The following DAGLA variants were observed in gnomAD, a reference collection of about 807,000 sequenced individuals.
DAGLA encodes diacylglycerol lipase alpha.
Under a neutral mutation model 102.6 loss-of-function variants are expected in DAGLA, and 22 were observed. The observed-to-expected ratio is 0.21, with a 90% CI of 0.15 to 0.31. The LOEUF is 0.31. Among genes scored for constraint, DAGLA ranks in the 10% least tolerant of loss-of-function variants. The pLI, the probability that DAGLA is intolerant of heterozygous loss-of-function variation, is 1.00. For missense variants in DAGLA, 927 were observed against 1,446.6 expected (o/e 0.64, Z 5.83); for synonymous variants, 578 against 628.9 (o/e 0.92, Z 1.21).
At chr11:61,728,354 G>A (rs962803505) in intron 7 of DAGLA, 67 bp downstream of exon 7, 4 of 1,581,266 alleles carry the variant, frequency 2.5e-6, no homozygotes, top group Admixed American at 1.7e-5. Context: ...CCCCTTCCCT[G>A]TGGCCCCTGC....
In DAGLA at chr11:61,686,096, G is replaced by C. The variant is rs915397327; in HGVS notation, c.-45+5592G>C. 6.6e-5 allele frequency among the ~76,000 whole-genome samples: 10 copies of C among 152,240 alleles called. No individual in the cohort carries two copies. The highest frequency in any genetic ancestry group is 4.2e-4 in the South Asian group (2 of 4,816). On this transcript the variant is annotated intron_variant, in intron 1 of 19. Transcript: ENST00000257215. This position sits in a 1 kb window ranked among gnomAD's most constrained non-coding sequence, Gnocchi z 5.2. ...GAGGGACAAGAGTAGGGGGTGCCCAGGTACAGAGGGCTTGAACCAGGGCAG... is the reference window on the plus strand; with the variant it reads ...GAGGGACAAGAGTAGGGGGTGCCCACGTACAGAGGGCTTGAACCAGGGCAG...
intron 13 of DAGLA, among the ~76,000 whole-genome samples, 177 bp from the exon 14 acceptor site, chr11:61,737,005 C>T (rs929509339): frequency 2.6e-5 from 4 of 152,248 alleles, no homozygotes; most frequent in Admixed American, 6.5e-5. Context: ...AACAGTCTGC[C>T]TAAGCAGTCG....
At chr11:61,732,816 G>C (rs2135595926) in intron 9 of DAGLA, among the ~76,000 whole-genome samples, 1 of 152,276 alleles carries the variant, frequency 6.6e-6, no homozygotes, top group African/African-American at 2.4e-5. Flanking sequence ...TGGCCAGAGG[G>C]AGAAGGGCTG....
intron 6 of DAGLA, among the ~76,000 whole-genome samples, chr11:61,727,407 A>G (rs1311256652): frequency 6.6e-6 from 1 of 152,214 alleles, no homozygotes; most frequent in Non-Finnish European, 1.5e-5. Flanking sequence ...ACCCAGTGAG[A>G]CAGACTTCAT....
chr11:61,730,362 C>T (rs890403498), intron 8 of DAGLA, among the ~76,000 whole-genome samples: 2 of 151,978 alleles, frequency 1.3e-5, no homozygotes, highest in East Asian at 1.9e-4. Flanking sequence ...GGGCCCACCC[C>T]GCCCCCAGGG....
intron 3 of DAGLA, among the ~76,000 whole-genome samples, chr11:61,722,511 A>G (rs545414208): frequency 1.3e-5 from 2 of 152,320 alleles, no homozygotes; most frequent in South Asian, 4.1e-4. Flanking sequence ...TCTTGAACCC[A>G]GGAGGCAGAG....
chr11:61,734,393 C>T lies in DAGLA; in HGVS notation c.975-456C>T, dbSNP rs578243396. Among the ~76,000 whole-genome samples, 5 of 151,948 alleles carry T rather than the reference C, an allele frequency of 3.3e-5. No homozygotes were observed. The highest frequency in any genetic ancestry group is 1.9e-4 in the East Asian group (1 of 5,148). On this transcript the variant is annotated intron_variant, in intron 9 of 19. Transcript: ENST00000257215. The surrounding 1 kb of genome is among the most constrained non-coding windows in gnomAD (Gnocchi z 4.2). ...GAGAGCTGGCAGGGTGTCAGGTGTC[C>T]GAGAGAGGTGCTGGCTAGGCCATTG...
intron 9 of DAGLA, among the ~76,000 whole-genome samples, chr11:61,732,160 C>A (rs954598816): frequency 6.6e-6 from 1 of 152,160 alleles, no homozygotes; most frequent in African/African-American, 2.4e-5. Flanking sequence ...TCATGCCAGG[C>A]AGAAGGAGGA....
chr11:61,689,118 C>T (rs2065006288), intron 1 of DAGLA, among the ~76,000 whole-genome samples: 1 of 152,264 alleles, frequency 6.6e-6, no homozygotes, highest in South Asian at 2.1e-4. Flanking sequence ...ACATCAGGCT[C>T]CCCTGGCACG....
chr11:61,711,933 T>C (rs979809063), intron 1 of DAGLA, among the ~76,000 whole-genome samples: 1 of 152,246 alleles, frequency 6.6e-6, no homozygotes, highest in African/African-American at 2.4e-5. Context: ...TTAAAAGGAT[T>C]ACATTAAAGG....
Position 61,744,340 on chromosome 11 carries a change from C to T in DAGLA, c.2980C>T (p.Leu994Phe), listed in dbSNP as rs1186585132. The T allele has an allele frequency of 1.2e-6, 2 of 1,612,706 alleles. No individual in the cohort carries two copies. Among genetic ancestry groups the T allele is most frequent in the South Asian group, 2.2e-5 (2 of 91,068 alleles). Reference protein sequence around the residue: ...SGISLSPSFPLSSSGELMDLT... With the variant: ...SGISLSPSFPFSSSGELMDLT... ...CATCTCACTCTCGCCCTCCTTCCCGCTCAGCTCCTCGGGTGAGCTCATGGA... is the reference window on the plus strand; with the variant it reads ...CATCTCACTCTCGCCCTCCTTCCCGTTCAGCTCCTCGGGTGAGCTCATGGA... The change falls in exon 20 of 20, where the codon CTC becomes TTC. Residue 994 changes from leucine (L) to phenylalanine (F), a missense_variant. By Grantham distance (22) the Leu-to-Phe change is conservative. Coordinates refer to ENST00000257215, the MANE Select transcript of DAGLA (RefSeq NM_006133.3).
At chr11:61,736,858 T>C (rs2065427155) in intron 13 of DAGLA, among the ~76,000 whole-genome samples, 1 of 152,276 alleles carries the variant, frequency 6.6e-6, no homozygotes, top group Non-Finnish European at 1.5e-5. Context: ...AACCACATGT[T>C]TATAGTGATA....
intron 16 of DAGLA, 70 bp from the exon 17 acceptor site, chr11:61,739,395 C>G: frequency 1.2e-3 from 1,171 of 968,820 alleles, no homozygotes; most frequent in Non-Finnish European, 1.5e-3. Context: ...CCTTCTCGGT[C>G]CCCCTGCCCC....
At chr11:61,685,555 G>A (rs2135546378) in intron 1 of DAGLA, among the ~76,000 whole-genome samples, 1 of 152,274 alleles carries the variant, frequency 6.6e-6, no homozygotes, top group East Asian at 1.9e-4. Context: ...TGTGAGTTGG[G>A]GGTTAGTGAG....
intron 1 of DAGLA, among the ~76,000 whole-genome samples, chr11:61,713,762 G>A (rs3018177): frequency 0.26 from 39,955 of 152,106 alleles, 5,481 homozygotes; most frequent in East Asian, 0.48. Context: ...GTCCTGCGGG[G>A]CACCACTGGG....
chr11:61,707,129 C>T (rs764723679), intron 1 of DAGLA, among the ~76,000 whole-genome samples: 5 of 152,240 alleles, frequency 3.3e-5, no homozygotes, highest in African/African-American at 9.6e-5. Context: ...CCCTCCCTGC[C>T]GTGTCCTCGT....
chr11:61,722,414 C>T (rs61896064), intron 3 of DAGLA, among the ~76,000 whole-genome samples: 2 of 152,162 alleles, frequency 1.3e-5, no homozygotes, highest in East Asian at 1.9e-4. Flanking sequence ...GACGAAACCC[C>T]GTCTCTACTA....
chr11:61,717,238 G>A (rs1378715167), intron 1 of DAGLA, among the ~76,000 whole-genome samples: 1 of 152,162 alleles, frequency 6.6e-6, no homozygotes, highest in East Asian at 1.9e-4. Flanking sequence ...GGCCCTTATT[G>A]TGATGGGCCG....
chr11:61,704,783 C>T (rs1250517351), intron 1 of DAGLA, among the ~76,000 whole-genome samples: 2 of 152,174 alleles, frequency 1.3e-5, no homozygotes, highest in Admixed American at 6.5e-5. Flanking sequence ...CTTTCCATTC[C>T]CCTCCTGTAG....
Sources: allele counts gnomAD v4.1 joint callset (sites outside exome capture counted in the v4.1 genomes callset), GRCh38; gene constraint gnomAD v4.1.1; non-coding constraint Gnocchi (gnomAD v3.1); transcripts MANE v1.5; gene names NCBI Gene and HGNC (gene_info 2026-07-23, HGNC 2026-07-21).